ANKK1: variants seen among roughly 807,000 people sequenced by gnomAD.
The protein encoded by ANKK1 is ankyrin repeat and protein kinase domain-containing protein 1.
Under a neutral mutation model 37.6 loss-of-function variants are expected in ANKK1, and 37 were observed. That is an observed-to-expected ratio of 0.98 (90% confidence interval 0.76 to 1.29). The LOEUF is 1.29. Among genes scored for constraint, ANKK1 ranks in the 50% most tolerant of loss-of-function variants. ANKK1 has a pLI of 0.00. For synonymous variants in ANKK1, 415 were observed against 418.7 expected (o/e 0.99, Z 0.11); for missense variants, 1,019 against 990.6 (o/e 1.03, Z -0.39).
At chr11:113,390,674 G>T (rs1950580467) in intron 1 of ANKK1, among the ~76,000 whole-genome samples, 1 of 150,816 alleles carries the variant, frequency 6.6e-6, no homozygotes, top group Non-Finnish European at 1.5e-5. Context: ...GGCAGAGGTT[G>T]CAGTGAGCCA....
rs564127431 is a variant in ANKK1 at position 113,395,972 on chromosome 11, T to C, written c.683-95T>C. 5.6e-6 allele frequency: 8 copies of C among 1,438,738 alleles called. No individual in the cohort carries two copies. In the South Asian group the frequency reaches 7.7e-5, roughly 14 times the overall value. The allele number at this position is 1,438,738 out of a possible 1,614,324, so 89.1% of individuals were successfully genotyped here. Reference sequence around the variant, plus strand: ...ATTTGTGGAGCCCCCACTGCGTGCATGCCCTGTTGGGATCCTCAGAGCCCC... The same window carrying C: ...ATTTGTGGAGCCCCCACTGCGTGCACGCCCTGTTGGGATCCTCAGAGCCCC... On this transcript the variant is annotated intron_variant, in intron 4 of 7. Transcript: ENST00000303941.
At position 113,399,301 on chromosome 11, in the gene ANKK1, G is replaced by T; in HGVS notation, c.1332G>T (p.Ala444=). ...CCCAGAATGGGGATGACGGCACTGCGCGCCTGCTCCTGGACCACGGGGCCT... is the reference window on the plus strand; with the variant it reads ...CCCAGAATGGGGATGACGGCACTGCTCGCCTGCTCCTGGACCACGGGGCCT... ...FAAQNGDDGT[A]RLLLDHGACV... The change falls in exon 8 of 8, where the codon GCG becomes GCT. Residue 444 remains alanine (A), a synonymous_variant. Coordinates refer to ENST00000303941, the MANE Select transcript of ANKK1 (RefSeq NM_178510.2). The T allele has an allele frequency of 6.2e-7, 1 of 1,601,328 alleles. No homozygotes were observed. The highest frequency in any genetic ancestry group is 8.5e-7 in the Non-Finnish European group (1 of 1,174,322).
rs556979499 is a variant in ANKK1, at chr11:113,398,985, G to A, written c.1016G>A (p.Arg339Gln). ...GCAGACTCAGGAAACTACCTGAAGC[G>A]GGCCCTTCAGCTCTCCGACCGTAAG... is the stretch of plus-strand genomic sequence containing the variant. ...MDSDSGNYLK[R>Q]ALQLSDRKNL... The change falls in exon 8 of 8, where the codon CGG becomes CAG. Residue 339 changes from arginine (R) to glutamine (Q), a missense_variant. Arg to Gln is a conservative substitution (Grantham distance 43, BLOSUM62 1). Transcript: ENST00000303941. The A allele has an allele frequency of 2.0e-5, 32 of 1,584,164 alleles. No individual in the cohort carries two copies. Among genetic ancestry groups the A allele is most frequent in the South Asian group, 9.3e-5 (8 of 86,284 alleles).
At position 113,399,377 on chromosome 11, in the gene ANKK1, C is replaced by A. The variant is rs1313093187; in HGVS notation, c.1408C>A (p.Gln470Lys). ...GTGGACCCCTCTTCACCTGGCTGCA[C>A]AGAATAACTTTGAGAATGTGGCACG... ...EGWTPLHLAA[Q>K]NNFENVARLL... The change falls in exon 8 of 8, where the codon CAG becomes AAG. Residue 470 changes from glutamine (Q) to lysine (K), a missense_variant. Coordinates refer to ENST00000303941, the MANE Select transcript of ANKK1 (RefSeq NM_178510.2). The A allele has an allele frequency of 1.9e-6, 3 of 1,601,292 alleles. No individual in the cohort carries two copies. The Admixed American group carries it at 5.1e-5, about 27-fold the overall frequency.
intron 2 of ANKK1, 81 bp downstream of exon 2, chr11:113,393,856 G>T: frequency 1.4e-6 from 2 of 1,448,390 alleles, no homozygotes; most frequent in Non-Finnish European, 9.2e-7. Context: ...CTGCCTGACC[G>T]GCCTGTCAAG....
chr11:113,395,979 T>C, intron 4 of ANKK1, 88 bp from the exon 5 acceptor site: 2 of 1,493,050 alleles, frequency 1.3e-6, no homozygotes, highest in South Asian at 1.3e-5. Context: ...GCATGCCCTG[T>C]TGGGATCCTC....
intron 4 of ANKK1, 24 bp from the exon 5 acceptor site, chr11:113,396,043 C>T (rs762879240): frequency 9.3e-6 from 15 of 1,612,008 alleles, no homozygotes; most frequent in Middle Eastern, 1.6e-4. Context: ...TCAGCACCCA[C>T]ATAGCCTGAG....
intron 7 of ANKK1, 106 bp from the exon 8 acceptor site, chr11:113,398,858 C>G (rs1591264406): frequency 1.0e-6 from 1 of 1,002,152 alleles, no homozygotes; most frequent in South Asian, 1.7e-5. Flanking sequence ...CCTTACTGCT[C>G]TAGCCTCTGT....
In ANKK1 at chr11:113,387,850, G is replaced by A. The variant is rs1171029003; in HGVS notation, c.-35G>A. The A allele has an allele frequency of 1.4e-6, 2 of 1,463,482 alleles. No individual in the cohort carries two copies. Among genetic ancestry groups the A allele is most frequent in the African/African-American group, 1.4e-5 (1 of 69,906 alleles). 90.7% of individuals were successfully genotyped at this position (1,463,482 alleles called of 1,614,324 possible). A position where few individuals can be genotyped will look rare whatever the true frequency, so the allele number is the denominator to read the frequency against. ...GCCACCCAGGCAGCAGCCACAGCGG[G>A]GAGTGCGCGGCGCGGGGACAGGAAG... On this transcript the variant is annotated 5_prime_UTR_variant, in exon 1 of 8. Transcript: ENST00000303941.
chr11:113,389,182 A>G (rs1315703535), intron 1 of ANKK1, among the ~76,000 whole-genome samples: 3 of 152,214 alleles, frequency 2.0e-5, no homozygotes, highest in Non-Finnish European at 4.4e-5. Flanking sequence ...CCTTTTGAAT[A>G]TAGAACGAAA....
At position 113,399,605 on chromosome 11, in the gene ANKK1, C is replaced by A; in HGVS notation, c.1636C>A (p.Leu546Met). 6.2e-7 allele frequency: 1 copy of A among 1,607,248 alleles called. No homozygotes were observed. Among genetic ancestry groups the A allele is most frequent in the South Asian group, 1.1e-5 (1 of 89,536 alleles). ...GGGCAAAGTGAGGGCCATCCAACAC[C>A]TGCTGAAGAGTGGAGCGGTCCCTGA... is the stretch of plus-strand genomic sequence containing the variant. ...ERGKVRAIQH[L>M]LKSGAVPDAL... is the part of the protein sequence containing the mutation. Residue 546 changes from leucine to methionine, a missense_variant, in exon 8 of 8, where the codon CTG becomes ATG. Transcript: ENST00000303941.
At chr11:113,394,612 A>T in intron 2 of ANKK1, 1 of 490,350 alleles carries the variant, frequency 2.0e-6, no homozygotes, top group Non-Finnish European at 4.0e-6. Context: ...GGATAATAAC[A>T]CCTACCACAT....
intron 1 of ANKK1, among the ~76,000 whole-genome samples, chr11:113,391,704 G>A (rs1229873897): frequency 2.6e-5 from 4 of 152,138 alleles, no homozygotes; most frequent in African/African-American, 9.7e-5. Context: ...GGAAAATCAG[G>A]AGGTTAGCTT....
Position 113,400,403 on chromosome 11 carries a change from A to G in ANKK1, c.*136A>G. The G allele has an allele frequency of 1.1e-6, 1 of 934,404 alleles. No homozygotes were observed. Among genetic ancestry groups the G allele is most frequent in the Non-Finnish European group, 1.6e-6 (1 of 644,712 alleles). 57.9% of individuals were successfully genotyped at this position (934,404 alleles called of 1,614,324 possible). ...AAAACCCTGTCTCTGCTAAAAATAC[A>G]AAATTTAGCTGGGTATGGTGGCACG... is the stretch of plus-strand genomic sequence containing the variant. On this transcript the variant is annotated 3_prime_UTR_variant, in exon 8 of 8. Coordinates refer to ENST00000303941, the MANE Select transcript of ANKK1 (RefSeq NM_178510.2).
intron 4 of ANKK1, 108 bp from the exon 5 acceptor site, chr11:113,395,959 C>G (rs1045719808): frequency 7.7e-7 from 1 of 1,300,318 alleles, no homozygotes; most frequent in African/African-American, 1.5e-5. Context: ...TTGTGGAGCC[C>G]CCACTGCGTG....
Position 113,399,796 on chromosome 11 carries a change from C to T in ANKK1, c.1827C>T (p.Ile609=). 1 of 1,603,488 alleles carries T rather than the reference C, an allele frequency of 6.2e-7. No homozygotes were observed. Residue 609 remains isoleucine, a synonymous_variant, in exon 8 of 8, where the codon ATC becomes ATT. Transcript: ENST00000303941. ...CCTACAAGGGCCACCTGGAGATCAT[C>T]CATCTGCTGGCAGAGAGCCACGCAA... ...LAAYKGHLEI[I]HLLAESHANM...
intron 4 of ANKK1, 28 bp from the exon 5 acceptor site, chr11:113,396,039 C>G (rs1950635095): frequency 6.2e-7 from 1 of 1,609,826 alleles, no homozygotes; most frequent in South Asian, 1.1e-5. Flanking sequence ...CCTCTCAGCA[C>G]CCACATAGCC....
chr11:113,395,444 G>C (rs1387108224), intron 4 of ANKK1, 36 bp downstream of exon 4: 3 of 1,609,978 alleles, frequency 1.9e-6, no homozygotes, highest in Non-Finnish European at 2.5e-6. Flanking sequence ...TTGGGGGCAG[G>C]AGGACCCCTG....
chr11:113,400,015 C>A lies in ANKK1; in HGVS notation c.2046C>A (p.His682Gln). The stretch of plus-strand genomic sequence containing the variant: ...GTGTCATCAACCTCCTAGAACATCA[C>A]GCAAATGTCCACGCCCGCAACAAGG... ...FLSVINLLEH[H>Q]ANVHARNKVG... The change falls in exon 8 of 8, where the codon CAC becomes CAA. Residue 682 changes from histidine (H) to glutamine (Q), a missense_variant. His to Gln is a conservative substitution (Grantham distance 24). Transcript: ENST00000303941. The A allele has an allele frequency of 1.9e-6, 3 of 1,613,530 alleles. No homozygotes were observed. Among genetic ancestry groups the A allele is most frequent in the Non-Finnish European group, 2.5e-6 (3 of 1,179,854 alleles).
Sources: gnomAD v4.1 joint callset for allele counts (sites outside exome capture counted in the v4.1 genomes callset) on GRCh38, gnomAD v4.1.1 for gene constraint, MANE v1.5 for transcripts, NCBI Gene and HGNC (gene_info 2026-07-23, HGNC 2026-07-21) for gene names.